The following NCOA7 variants were observed in gnomAD, a reference collection of about 807,000 sequenced individuals.
NCOA7 encodes nuclear receptor coactivator 7, also known as 140 kDa estrogen receptor-associated protein.
In NCOA7, 45 loss-of-function variants were observed where a neutral mutation model predicts 104.3. The observed-to-expected ratio is 0.43, with a 90% CI of 0.34 to 0.55. The LOEUF is 0.55. Ranked by LOEUF, NCOA7 falls within the 20% of genes least tolerant of loss-of-function variation. The probability of loss-of-function intolerance (pLI) is 0.02; values close to 1 mark genes in which losing one functional copy is unlikely to be tolerated. For missense variants in NCOA7, 1,041 were observed against 1,119.7 expected, an observed-to-expected ratio of 0.93 and a Z score of 1.00; for synonymous variants, 398 against 402.3, an observed-to-expected ratio of 0.99 and a Z score of 0.13.
In NCOA7 at chr6:125,875,042, C is replaced by A. The variant is rs1057418308; in HGVS notation, c.351+74C>A. ...ATATAATGGTTTTCCCTGACACATC[C>A]TGCCCCTTGGCTGCATTCCTCTTGT... On this transcript the variant is annotated intron_variant, in intron 4 of 15. Coordinates refer to ENST00000392477, the MANE Select transcript of NCOA7 (RefSeq NM_181782.5). The A allele has an allele frequency of 2.6e-6, 3 of 1,147,988 alleles. No individual in the cohort carries two copies. In the African/African-American group the frequency reaches 4.6e-5, roughly 18 times the overall value. 71.1% of individuals were successfully genotyped at this position (1,147,988 alleles called of 1,614,324 possible).
upstream of NCOA7, among the ~76,000 whole-genome samples, chr6:125,789,072 AGAG>A: frequency 6.6e-6 from 1 of 152,354 alleles, no homozygotes; most frequent in East Asian, 1.9e-4. Flanking sequence ...ATTTTGTTAA[AGAG>A]TAAGCAACTG....
At chr6:125,899,853 C>T (rs1583495280) in intron 10 of NCOA7, 1 of 364,874 alleles carries the variant, frequency 2.7e-6, no homozygotes, top group East Asian at 7.5e-5. Context: ...ATTCACTCTA[C>T]AGTCAGACGT....
At chr6:125,910,946 TA>T (rs1403281886) in intron 10 of NCOA7, among the ~76,000 whole-genome samples, 1 of 152,248 alleles carries the variant, frequency 6.6e-6, no homozygotes, top group East Asian at 1.9e-4. Context: ...AGATAAAGAA[TA>T]ATGTTGGGGT....
intron 2 of NCOA7, among the ~76,000 whole-genome samples, chr6:125,822,663 G>T (rs1778293957): frequency 6.6e-6 from 1 of 152,150 alleles, no homozygotes; most frequent in Non-Finnish European, 1.5e-5. Context: ...GGCCAAGCAT[G>T]GTGGCCCATG....
chr6:125,907,682 G>A (rs1786144825), intron 10 of NCOA7, among the ~76,000 whole-genome samples: 1 of 152,142 alleles, frequency 6.6e-6, no homozygotes, highest in South Asian at 2.1e-4. Flanking sequence ...CGGGGGTTGG[G>A]GAACAGCTTA....
intron 2 of NCOA7, among the ~76,000 whole-genome samples, chr6:125,823,703 C>T (rs1000800637): frequency 1.3e-5 from 2 of 152,092 alleles, no homozygotes; most frequent in East Asian, 3.8e-4. Context: ...TAGACTCATG[C>T]TTTTTGCTTC....
intron 10 of NCOA7, among the ~76,000 whole-genome samples, chr6:125,893,272 C>T (rs921762037): frequency 6.6e-6 from 1 of 152,198 alleles, no homozygotes; most frequent in Non-Finnish European, 1.5e-5. Flanking sequence ...TCGTGGGTTA[C>T]AGTGTCCTTT....
chr6:125,888,315 G>A (rs541055705), intron 8 of NCOA7, among the ~76,000 whole-genome samples: 3 of 152,208 alleles, frequency 2.0e-5, no homozygotes, highest in South Asian at 4.1e-4. Context: ...AGCAACTGCC[G>A]TATACCCACA....
intron 11 of NCOA7, chr6:125,919,540 T>A: frequency 9.3e-7 from 1 of 1,075,934 alleles, no homozygotes; most frequent in Non-Finnish European, 1.4e-6. Context: ...TGTGCTGACA[T>A]TTCTACCAGC....
chr6:125,919,384 A>G, intron 11 of NCOA7: 1 of 1,612,840 alleles, frequency 6.2e-7, no homozygotes. Flanking sequence ...ACCCTTGGAC[A>G]TCCAGATTTT....
At chr6:125,919,106 A>G (rs576479087) in intron 11 of NCOA7, 1 of 675,520 alleles carries the variant, frequency 1.5e-6, no homozygotes, top group Non-Finnish European at 2.3e-6. Context: ...TTCAAAGGTG[A>G]AAGTGTCCTT....
In NCOA7 at chr6:125,855,010, T is replaced by G; in HGVS notation, c.51-10T>G. 6.3e-7 allele frequency: 1 copy of G among 1,575,282 alleles called. No homozygotes were observed. Among genetic ancestry groups the G allele is most frequent in the South Asian group, 1.2e-5 (1 of 85,550 alleles). On this transcript the variant is annotated splice_polypyrimidine_tract_variant and intron_variant, in intron 2 of 15. Coordinates refer to ENST00000392477, the MANE Select transcript of NCOA7 (RefSeq NM_181782.5). The stretch of plus-strand genomic sequence containing the variant: ...TCCAATGTTTTTTCTTTTTTTTCCC[T>G]CTTTCCTAGACTGAAAAAGAAAAAA...
intron 1 of NCOA7, among the ~76,000 whole-genome samples, chr6:125,803,231 G>A (rs1285186816): frequency 3.9e-5 from 6 of 152,220 alleles, no homozygotes; most frequent in Admixed American, 3.3e-4. Context: ...ACTGGTCCGT[G>A]TGACCCAGCC....
At chr6:125,832,092 T>C (rs963070306) in intron 2 of NCOA7, among the ~76,000 whole-genome samples, 2 of 152,236 alleles carry the variant, frequency 1.3e-5, no homozygotes, top group African/African-American at 2.4e-5. Flanking sequence ...CACAGTGTTA[T>C]CTGCTCTATA....
intron 8 of NCOA7, among the ~76,000 whole-genome samples, chr6:125,887,338 AT>A (rs2128655226): frequency 6.6e-6 from 1 of 152,300 alleles, no homozygotes; most frequent in South Asian, 2.1e-4. Context: ...ATTATGCTAC[AT>A]TTCACTAACT....
chr6:125,833,850 C>T (rs1394508811), intron 2 of NCOA7, among the ~76,000 whole-genome samples: 1 of 152,172 alleles, frequency 6.6e-6, no homozygotes, highest in African/African-American at 2.4e-5. Flanking sequence ...TTGCCCCTAA[C>T]TTCTAACTGC....
At chr6:125,819,460 A>G (rs1017741892) in intron 2 of NCOA7, among the ~76,000 whole-genome samples, 3 of 151,948 alleles carry the variant, frequency 2.0e-5, no homozygotes, top group Non-Finnish European at 2.9e-5. Flanking sequence ...CCCTGGTCCA[A>G]CTGGTTTTCA....
At chr6:125,871,999 A>G (rs927759995) in intron 3 of NCOA7, among the ~76,000 whole-genome samples, 13 of 61,202 alleles carry the variant, frequency 2.1e-4, no homozygotes, top group Admixed American at 5.7e-4. Context: ...CCTGTCTCAG[A>G]AAAAAAAAAA....
At chr6:125,880,604 T>G (rs1289860697) in intron 5 of NCOA7, among the ~76,000 whole-genome samples, 3 of 152,116 alleles carry the variant, frequency 2.0e-5, no homozygotes, top group Non-Finnish European at 2.9e-5. Context: ...CTTGGCTCAC[T>G]GCAACCTCTG....
Sources: allele counts gnomAD v4.1 joint callset (sites outside exome capture counted in the v4.1 genomes callset), GRCh38; gene constraint gnomAD v4.1.1; transcripts MANE v1.5; gene names NCBI Gene and HGNC (gene_info 2026-07-23, HGNC 2026-07-21).